The following CDC14A variants were observed in gnomAD, a reference collection of about 807,000 sequenced individuals.
CDC14A encodes dual specificity protein phosphatase CDC14A.
A neutral mutation model predicts 74.4 loss-of-function variants in CDC14A; 53 were observed. The ratio of observed to expected loss-of-function variants is 0.71; its 90% CI spans 0.57 to 0.89. The LOEUF (loss-of-function observed/expected upper bound fraction) is 0.89, where lower values mean the gene tolerates loss of function less well. Ranked by LOEUF, CDC14A falls within the 40% of genes least tolerant of loss-of-function variation. CDC14A has a pLI of 0.00. For synonymous variants in CDC14A, 247 were observed against 258.4 expected, an observed-to-expected ratio of 0.96 and a Z score of 0.43; for missense variants, 646 against 713.7, an observed-to-expected ratio of 0.91 and a Z score of 1.08.
At chr1:100,357,032 T>C (rs796403001) in intron 2 of CDC14A, among the ~76,000 whole-genome samples, 43 of 152,044 alleles carry the variant, frequency 2.8e-4, no homozygotes, top group African/African-American at 1.0e-3. Flanking sequence ...TTAAGACAGC[T>C]TAGGTTGTGG....
At chr1:100,393,451 G>GT in intron 4 of CDC14A, 2 of 776,370 alleles carry the variant, frequency 2.6e-6, no homozygotes, top group Non-Finnish European at 4.8e-6. Context: ...AGTTCATATC[G>GT]TTTCATACTG....
At chr1:100,476,783 C>G (rs1308021296) in intron 10 of CDC14A, among the ~76,000 whole-genome samples, 1 of 152,034 alleles carries the variant, frequency 6.6e-6, no homozygotes, top group Non-Finnish European at 1.5e-5. Context: ...ATAATGTCTC[C>G]CCAAATACAG....
intron 3 of CDC14A, among the ~76,000 whole-genome samples, chr1:100,378,663 A>C (rs1401168699): frequency 1.3e-5 from 2 of 152,232 alleles, no homozygotes; most frequent in Non-Finnish European, 2.9e-5. Flanking sequence ...TACCAAAAAG[A>C]ATCAATAATC....
chr1:100,374,376 A>G (rs970315508), intron 2 of CDC14A, among the ~76,000 whole-genome samples: 6 of 152,216 alleles, frequency 3.9e-5, no homozygotes, highest in Non-Finnish European at 5.9e-5. Flanking sequence ...CTGAGAAATC[A>G]CCACACTGAC....
At chr1:100,423,540 A>G (rs1302269811) in intron 4 of CDC14A, among the ~76,000 whole-genome samples, 1 of 152,220 alleles carries the variant, frequency 6.6e-6, no homozygotes, top group African/African-American at 2.4e-5. Context: ...TGCCTGGCAT[A>G]TACTATATAC....
chr1:100,428,906 A>G (rs1382555946), intron 5 of CDC14A, among the ~76,000 whole-genome samples: 1 of 152,108 alleles, frequency 6.6e-6, no homozygotes, highest in African/African-American at 2.4e-5. Context: ...CCTAAAAGCC[A>G]GTTTTTAAAA....
chr1:100,420,089 A>ATG (rs113652044), intron 4 of CDC14A, among the ~76,000 whole-genome samples: 44 of 45,746 alleles, frequency 9.6e-4, no homozygotes, highest in South Asian at 8.4e-3. Flanking sequence ...TATAGTGTGT[A>ATG]TGTGTGTGTG....
At chr1:100,474,507 C>G (rs988402430) in intron 10 of CDC14A, among the ~76,000 whole-genome samples, 1 of 151,678 alleles carries the variant, frequency 6.6e-6, no homozygotes. Context: ...AGATATAAGG[C>G]TATTTGAATA....
At chr1:100,396,659 T>G (rs1658541732) in intron 4 of CDC14A, among the ~76,000 whole-genome samples, 1 of 152,190 alleles carries the variant, frequency 6.6e-6, no homozygotes, top group Non-Finnish European at 1.5e-5. Context: ...AAAAATAAAC[T>G]TGTATTTTCC....
At chr1:100,402,812 A>G (rs372415134) in intron 4 of CDC14A, among the ~76,000 whole-genome samples, 1 of 152,242 alleles carries the variant, frequency 6.6e-6, no homozygotes, top group African/African-American at 2.4e-5. Flanking sequence ...CATCTAAACC[A>G]TAATAGTCTG....
chr1:100,351,563 A>C, upstream of CDC14A: 1 of 609,688 alleles, frequency 1.6e-6, no homozygotes. Context: ...AGACTATGTA[A>C]AGAAATTCCT....
At chr1:100,499,441 A>G (rs1178362387) in intron 15 of CDC14A, 179 bp downstream of exon 15, 1 of 1,488,796 alleles carries the variant, frequency 6.7e-7, no homozygotes, top group Non-Finnish European at 8.9e-7. Flanking sequence ...GCTCCTCTTC[A>G]AGTAAACGCC....
At chr1:100,392,913 A>G in intron 4 of CDC14A, 6 of 653,176 alleles carry the variant, frequency 9.2e-6, no homozygotes, top group South Asian at 5.7e-5. Flanking sequence ...CACACATTCT[A>G]TGATTTCTAA....
intron 5 of CDC14A, among the ~76,000 whole-genome samples, chr1:100,427,886 A>C (rs937208292): frequency 6.6e-6 from 1 of 152,136 alleles, no homozygotes; most frequent in African/African-American, 2.4e-5. Flanking sequence ...AAGGAGGTTT[A>C]ACTCTGAAAT....
chr1:100,482,072 C>T (rs575758367), intron 10 of CDC14A, among the ~76,000 whole-genome samples: 2 of 152,282 alleles, frequency 1.3e-5, no homozygotes, highest in South Asian at 2.1e-4. Flanking sequence ...TCAAATCAAG[C>T]CTTTCCAGAG....
chr1:100,345,054 T>G lies in CDC14A; in HGVS notation c.-255T>G, dbSNP rs1210844150. 3.3e-5 allele frequency: 5 copies of G among 152,184 alleles called. No homozygotes were observed. The East Asian group carries it at 9.6e-4, about 29-fold the overall frequency. The allele number at this position is 152,184 out of a possible 1,614,324, so 9.4% of individuals were successfully genotyped here. A position where few individuals can be genotyped will look rare whatever the true frequency, so the allele number is the denominator to read the frequency against. ...GGGGAATTTAGGAATCCATTGAGGA[T>G]GCCTGAATGGGGTTGTTGGCCCTGA... is the stretch of plus-strand genomic sequence containing the variant. On this transcript the variant is annotated 5_prime_UTR_variant, in exon 1 of 15. Transcript: ENST00000635056.
chr1:100,409,201 C>T (rs1660343304), intron 4 of CDC14A, among the ~76,000 whole-genome samples: 1 of 152,136 alleles, frequency 6.6e-6, no homozygotes, highest in African/African-American at 2.4e-5. Flanking sequence ...AACATCAGAT[C>T]TCATGAGATT....
rs113088874 is a variant in CDC14A, at chr1:100,499,524, A to G, written c.1755+262A>G. On this transcript the variant is annotated intron_variant, in intron 15 of 15. Coordinates refer to ENST00000336454, the MANE Select transcript of CDC14A (RefSeq NM_003672.4). ...AACTCCTTTTTAAGTAGTTTCTCTT[A>G]AAAGGGAAATAGCTTTCATTCTTTT... is the stretch of plus-strand genomic sequence containing the variant. The G allele has an allele frequency of 7.0e-6, 8 of 1,138,260 alleles. No homozygotes were observed. The African/African-American group carries it at 7.8e-5, about 11-fold the overall frequency. 70.5% of individuals were successfully genotyped at this position (1,138,260 alleles called of 1,614,324 possible). A position where few individuals can be genotyped will look rare whatever the true frequency, so the allele number is the denominator to read the frequency against.
intron 8 of CDC14A, chr1:100,462,440 C>T: frequency 1.8e-6 from 1 of 547,860 alleles, no homozygotes; most frequent in Non-Finnish European, 3.3e-6. Flanking sequence ...ATTTTCAGTA[C>T]TTACAGAAGT....
Sources: gnomAD v4.1 joint callset for allele counts (sites outside exome capture counted in the v4.1 genomes callset) on GRCh38, gnomAD v4.1.1 for gene constraint, MANE v1.5 for transcripts, NCBI Gene and HGNC (gene_info 2026-07-23, HGNC 2026-07-21) for gene names.